The following PRICKLE2 variants were observed in gnomAD, a reference collection of about 807,000 sequenced individuals.
PRICKLE2 encodes prickle planar cell polarity protein 2.
A neutral mutation model predicts 81.4 loss-of-function variants in PRICKLE2; 21 were observed. The ratio of observed to expected loss-of-function variants is 0.26; its 90% CI spans 0.18 to 0.37. PRICKLE2 has a LOEUF of 0.37. Ranked by LOEUF, PRICKLE2 falls within the 10% of genes least tolerant of loss-of-function variation. PRICKLE2 has a pLI of 1.00. For missense variants in PRICKLE2, 940 were observed against 1,109.0 expected, an observed-to-expected ratio of 0.85 and a Z score of 2.16; for synonymous variants, 456 against 421.5, an observed-to-expected ratio of 1.08 and a Z score of -1.00.
In PRICKLE2 at chr3:64,099,305, A is replaced by C. The variant is rs775809088; in HGVS notation, c.2281T>G (p.Phe761Val). 1 of 1,614,102 alleles carries C rather than the reference A, an allele frequency of 6.2e-7. No homozygotes were observed. The highest frequency in any genetic ancestry group is 8.5e-7 in the Non-Finnish European group (1 of 1,180,050). The change falls in exon 8 of 8, where the codon TTT becomes GTT. Residue 761 changes from phenylalanine (F) to valine (V), a missense_variant. Coordinates refer to ENST00000638394, the MANE Select transcript of PRICKLE2 (RefSeq NM_198859.4). The surrounding 1 kb of genome is among the most constrained non-coding windows in gnomAD (Gnocchi z 4.3). ...AAGTAGGGTCCCCAGCGGTCCCCAA[A>C]GGCATTCTGCAAAGCCAGGTCCGAC... is the stretch of plus-strand genomic sequence containing the variant. ...TVSDLALQNA[F>V]GDRWGPYFAE...
At chr3:64,138,427 C>T (rs141119926) in intron 7 of PRICKLE2, among the ~76,000 whole-genome samples, 19 of 152,306 alleles carry the variant, frequency 1.2e-4, no homozygotes, top group Non-Finnish European at 2.1e-4. Context: ...ATACTTTTTC[C>T]CCTTCACCTG....
chr3:64,216,490 C>T (rs1407675759), intron 1 of PRICKLE2, among the ~76,000 whole-genome samples: 1 of 152,226 alleles, frequency 6.6e-6, no homozygotes, highest in Non-Finnish European at 1.5e-5. Context: ...CGCAGATGCT[C>T]AATTGCTATT....
intron 7 of PRICKLE2, among the ~76,000 whole-genome samples, chr3:64,114,119 A>T (rs2076896843): frequency 6.6e-6 from 1 of 151,990 alleles, no homozygotes; most frequent in African/African-American, 2.4e-5. Flanking sequence ...GGCCCCCTAA[A>T]ATCTCCCCAA....
In PRICKLE2 at chr3:64,148,764, A is replaced by G. The variant is rs557724165; in HGVS notation, c.788-1062T>C. On this transcript the variant is annotated intron_variant, in intron 6 of 7. Transcript: ENST00000638394. ...TTCCACTATATGATGACTCTGCCAG[A>G]AAGTATCATCCAGGAAACAAAAAAC... 2.3e-4 allele frequency among the ~76,000 whole-genome samples: 35 copies of G among 152,292 alleles called. 1 individual carries two copies. The highest frequency in any genetic ancestry group is 7.2e-4 in the African/African-American group (30 of 41,574).
chr3:64,125,311 A>G (rs1418346962), intron 7 of PRICKLE2, among the ~76,000 whole-genome samples: 1 of 152,242 alleles, frequency 6.6e-6, no homozygotes, highest in Non-Finnish European at 1.5e-5. Context: ...AATGACAACA[A>G]AAGATGTAGA....
intron 7 of PRICKLE2, among the ~76,000 whole-genome samples, chr3:64,110,107 G>A (rs1199750157): frequency 6.6e-6 from 1 of 152,234 alleles, no homozygotes; most frequent in Non-Finnish European, 1.5e-5. Flanking sequence ...CTCCATGGGG[G>A]ATTCTGGTTG....
chr3:64,233,257 G>A (rs2079132363), intron 2 of PRICKLE2, among the ~76,000 whole-genome samples: 1 of 152,106 alleles, frequency 6.6e-6, no homozygotes, highest in African/African-American at 2.4e-5. Context: ...CCTCCTACCT[G>A]GTCTATTATT....
At chr3:64,138,740 G>A (rs2077314600) in intron 7 of PRICKLE2, among the ~76,000 whole-genome samples, 1 of 152,240 alleles carries the variant, frequency 6.6e-6, no homozygotes, top group African/African-American at 2.4e-5. Flanking sequence ...CCAGGGCCCT[G>A]TGGTCAATGG....
chr3:64,174,901 C>G (rs1417604672), intron 2 of PRICKLE2: 1 of 210,316 alleles, frequency 4.8e-6, no homozygotes, highest in Non-Finnish European at 1.0e-5. Flanking sequence ...CTATGGTGTG[C>G]TGTTAGAAGG....
At chr3:64,266,761 G>A (rs2079716086) in intron 2 of PRICKLE2, among the ~76,000 whole-genome samples, 1 of 152,062 alleles carries the variant, frequency 6.6e-6, no homozygotes, top group Non-Finnish European at 1.5e-5. Flanking sequence ...ACAGAAAGCA[G>A]GGAACTCAAA....
intron 2 of PRICKLE2, among the ~76,000 whole-genome samples, chr3:64,198,270 T>G (rs1205595293): frequency 1.1e-5 from 1 of 95,120 alleles, no homozygotes; most frequent in Non-Finnish European, 2.1e-5. Context: ...CAAAAAAAAT[T>G]TCAAGGGCTG....
chr3:64,210,958 C>T (rs115329092), intron 1 of PRICKLE2, among the ~76,000 whole-genome samples: 58 of 152,140 alleles, frequency 3.8e-4, no homozygotes, highest in African/African-American at 1.4e-3. Flanking sequence ...GGGTAGGATG[C>T]CAATAGAGTG....
intron 7 of PRICKLE2, chr3:64,103,347 T>C (rs1575537285): frequency 6.6e-6 from 1 of 152,202 alleles, no homozygotes; most frequent in East Asian, 1.9e-4. Context: ...GAAACCCTGA[T>C]AAAATGGAAT....
rs1029934081 is a variant in PRICKLE2 at position 64,213,875 on chromosome 3, A to G, written c.-41+11035T>C. 1.3e-5 allele frequency among the ~76,000 whole-genome samples: 2 copies of G among 152,118 alleles called. 1 individual carries two copies. Among genetic ancestry groups the G allele is most frequent in the South Asian group, 4.2e-4 (2 of 4,814 alleles). On this transcript the variant is annotated intron_variant, in intron 1 of 7. Coordinates refer to ENST00000638394, the MANE Select transcript of PRICKLE2 (RefSeq NM_198859.4). The stretch of plus-strand genomic sequence containing the variant: ...TGGAACTTACCCAAAGCCCTTCACC[A>G]AACACCTGAATACCTTTTGGCAGCC...
intron 2 of PRICKLE2, among the ~76,000 whole-genome samples, chr3:64,236,501 GA>G (rs953325038): frequency 4.0e-5 from 6 of 151,620 alleles, no homozygotes; most frequent in South Asian, 4.2e-4. Flanking sequence ...GGTGACTGAT[GA>G]AAAAAAAGAG....
In PRICKLE2 at chr3:64,162,099, C is replaced by T. The variant is rs552151188; in HGVS notation, c.258+917G>A. On this transcript the variant is annotated intron_variant, in intron 3 of 7. Transcript: ENST00000638394. ...TTCATTCTAATGTGGGAAAATAAGACTGAAAAGCACTCATTTCCCCTGGGA... is the reference window on the plus strand; with the variant it reads ...TTCATTCTAATGTGGGAAAATAAGATTGAAAAGCACTCATTTCCCCTGGGA... Among the ~76,000 whole-genome samples, 5 of 152,114 alleles carry T rather than the reference C, an allele frequency of 3.3e-5. No individual in the cohort carries two copies. In the South Asian group the frequency reaches 1.0e-3, roughly 32 times the overall value.
chr3:64,239,622 A>C (rs934967140), intron 2 of PRICKLE2, among the ~76,000 whole-genome samples: 2 of 152,150 alleles, frequency 1.3e-5, no homozygotes, highest in African/African-American at 4.8e-5. Context: ...GTGATTTATA[A>C]GCCAGATTTA....
chr3:64,210,181 A>C (rs1380979563), intron 1 of PRICKLE2, among the ~76,000 whole-genome samples: 1 of 151,808 alleles, frequency 6.6e-6, no homozygotes, highest in Non-Finnish European at 1.5e-5. Flanking sequence ...GTCCTCCCTA[A>C]CCCGTTTCTC....
chr3:64,106,893 G>T (rs1575542286), intron 7 of PRICKLE2, among the ~76,000 whole-genome samples: 1 of 152,218 alleles, frequency 6.6e-6, no homozygotes, highest in East Asian at 1.9e-4. Context: ...TCCTCTGGAG[G>T]ATCTGGCAGA....
Sources: gnomAD v4.1 joint callset for allele counts (sites outside exome capture counted in the v4.1 genomes callset) on GRCh38, gnomAD v4.1.1 for gene constraint, Gnocchi (gnomAD v3.1) non-coding constraint, MANE v1.5 for transcripts, NCBI Gene and HGNC (gene_info 2026-07-23, HGNC 2026-07-21) for gene names.